Variants in CELF2 observed in about 807,000 individuals in gnomAD.
CELF2 encodes the protein CUG triplet repeat RNA-binding protein 2.
In CELF2, 8 loss-of-function variants were observed where a neutral mutation model predicts 62.6. The ratio of observed to expected loss-of-function variants is 0.13; its 90% CI spans 0.07 to 0.23. The LOEUF (loss-of-function observed/expected upper bound fraction) is 0.23. Ranked by LOEUF, CELF2 falls within the 10% of genes least tolerant of loss-of-function variation. CELF2 has a pLI of 1.00. For missense variants in CELF2, 333 were observed against 671.0 expected, an observed-to-expected ratio of 0.50 and a Z score of 5.56; for synonymous variants, 258 against 250.0, an observed-to-expected ratio of 1.03 and a Z score of -0.30.
At chr10:11,073,024 A>G (rs1564620346) in intron 1 of CELF2, among the ~76,000 whole-genome samples, 5 of 152,102 alleles carry the variant, frequency 3.3e-5, no homozygotes, top group African/African-American at 1.2e-4. Flanking sequence ...ATTGTACAAC[A>G]TACTACTAAT....
the CELF2 span, among the ~76,000 whole-genome samples, chr10:10,665,292 A>G: frequency 2.0e-5 from 3 of 152,242 alleles, no homozygotes; most frequent in Non-Finnish European, 4.4e-5. Context: ...TTGTGGAAGT[A>G]GTGAAATTGT....
intron 2 of CELF2, among the ~76,000 whole-genome samples, chr10:10,967,210 T>A (rs1323648698): frequency 6.6e-6 from 1 of 152,060 alleles, no homozygotes; most frequent in Non-Finnish European, 1.5e-5. Flanking sequence ...AGCTGGGCAT[T>A]TGCTTTATTT....
upstream of CELF2, among the ~76,000 whole-genome samples, chr10:11,003,615 G>A (rs1788060281): frequency 6.6e-6 from 1 of 152,126 alleles, no homozygotes; most frequent in South Asian, 2.1e-4. This position sits in a 1 kb window ranked among gnomAD's most constrained non-coding sequence, Gnocchi z 4.4. Flanking sequence ...AGTAAAGAGA[G>A]CCACAGAGAG....
Position 11,280,989 on chromosome 10 carries a change from CGTGTGT to C in CELF2, c.841+5896_841+5901del, listed in dbSNP as rs60798946. Among the ~76,000 whole-genome samples, 56 of 144,514 alleles carry C rather than the reference CGTGTGT, an allele frequency of 3.9e-4. No homozygotes were observed. Among genetic ancestry groups the C allele is most frequent in the African/African-American group, 8.5e-4 (33 of 38,956 alleles). 94.8% of individuals were successfully genotyped at this position (144,514 alleles called of 152,430 possible). A position where few individuals can be genotyped will look rare whatever the true frequency, so the allele number is the denominator to read the frequency against. On this transcript the variant is annotated intron_variant, in intron 8 of 12. Coordinates refer to ENST00000633077, the MANE Select transcript of CELF2 (RefSeq NM_001326342.2). The surrounding 1 kb of genome is among the most constrained non-coding windows in gnomAD (Gnocchi z 7.6). ...TGGCGTGCGTGTGCATGCCTGTGTG[CGTGTGT>C]GTGTGTGTGTGTGTGTGTGTGTGTG... is the stretch of plus-strand genomic sequence containing the variant.
intron 1 of CELF2, among the ~76,000 whole-genome samples, chr10:11,161,578 C>T (rs2065742834): frequency 6.6e-6 from 1 of 152,190 alleles, no homozygotes; most frequent in Non-Finnish European, 1.5e-5. Context: ...GATAATGATT[C>T]CAGCGGGAGC....
chr10:11,050,599 T>G (rs111875333), intron 1 of CELF2, among the ~76,000 whole-genome samples: 4,954 of 152,274 alleles, frequency 0.033, 94 homozygotes, highest in Non-Finnish European at 0.053. Flanking sequence ...CTCTTTAATA[T>G]TGGGTTGAGC....
the CELF2 span, among the ~76,000 whole-genome samples, chr10:10,647,822 A>T: frequency 6.6e-6 from 1 of 152,190 alleles, no homozygotes; most frequent in African/African-American, 2.4e-5. Flanking sequence ...CTATTCCAAA[A>T]AGATTCCATG....
intron 1 of CELF2, among the ~76,000 whole-genome samples, chr10:11,062,385 A>G (rs986176085): frequency 2.0e-5 from 3 of 152,384 alleles, no homozygotes; most frequent in Admixed American, 2.0e-4. Context: ...GGATCTGTGC[A>G]AAGTAAATTG....
At chr10:10,504,812 G>A in the CELF2 span, among the ~76,000 whole-genome samples, 2 of 151,338 alleles carry the variant, frequency 1.3e-5, no homozygotes, top group African/African-American at 4.9e-5. Context: ...CCTTCATTCT[G>A]CTGTTGAATG....
chr10:10,484,905 A>G, the CELF2 span, among the ~76,000 whole-genome samples: 3 of 152,140 alleles, frequency 2.0e-5, no homozygotes, highest in South Asian at 2.1e-4. Flanking sequence ...GAAGAAGAGG[A>G]TATTTTCCAA....
chr10:10,566,580 C>T, the CELF2 span, among the ~76,000 whole-genome samples: 1 of 140,726 alleles, frequency 7.1e-6, no homozygotes, highest in African/African-American at 2.7e-5. Flanking sequence ...CCCCCGACCC[C>T]ACCACAGTCC....
intron 1 of CELF2, among the ~76,000 whole-genome samples, chr10:11,148,528 G>A (rs2062695373): frequency 6.6e-6 from 1 of 152,188 alleles, no homozygotes; most frequent in African/African-American, 2.4e-5. Context: ...GTCAAGGGCA[G>A]TTTGACACTC....
At chr10:10,879,963 G>A (rs1041564280) in intron 1 of CELF2, among the ~76,000 whole-genome samples, 25 of 152,042 alleles carry the variant, frequency 1.6e-4, no homozygotes, top group African/African-American at 5.3e-4. Context: ...TCTGACACAG[G>A]GTGAACTCAA....
Position 11,098,827 on chromosome 10 carries a change from G to A in CELF2, c.75-66659G>A, listed in dbSNP as rs576097843. Among the ~76,000 whole-genome samples the A allele has an allele frequency of 6.6e-6, 1 of 152,280 alleles. No individual in the cohort carries two copies. Among genetic ancestry groups the A allele is most frequent in the African/African-American group, 2.4e-5 (1 of 41,558 alleles). The stretch of plus-strand genomic sequence containing the variant: ...ACCGAGGCTTCTTGGCTCTGCACCG[G>A]GTGATAATTCTACCTGGGCAGCAGG... On this transcript the variant is annotated intron_variant, in intron 1 of 12. Coordinates refer to ENST00000633077, the MANE Select transcript of CELF2 (RefSeq NM_001326342.2). The surrounding 1 kb of genome is among the most constrained non-coding windows in gnomAD (Gnocchi z 4.0).
chr10:11,298,942 G>C (rs1029570509), intron 9 of CELF2, among the ~76,000 whole-genome samples: 2 of 152,170 alleles, frequency 1.3e-5, no homozygotes. Flanking sequence ...ATTTTTCTCT[G>C]AATCTCTTGC....
the CELF2 span, among the ~76,000 whole-genome samples, chr10:10,532,448 C>A: frequency 6.6e-6 from 1 of 152,140 alleles, no homozygotes; most frequent in Non-Finnish European, 1.5e-5. Flanking sequence ...AAGCTGTTAC[C>A]AAAGCAGCAC....
chr10:11,069,168 C>G (rs1047900411), intron 1 of CELF2, among the ~76,000 whole-genome samples: 1 of 152,076 alleles, frequency 6.6e-6, no homozygotes, highest in African/African-American at 2.4e-5. Flanking sequence ...TTTTTTGTAT[C>G]TTTCAAGCAG....
intron 1 of CELF2, among the ~76,000 whole-genome samples, chr10:11,025,204 T>C (rs1331041706): frequency 7.9e-6 from 1 of 127,194 alleles, no homozygotes; most frequent in Admixed American, 9.2e-5. Context: ...GGTATATACA[T>C]ATATGTGTGT....
chr10:10,951,543 G>A (rs2135736339), intron 2 of CELF2, among the ~76,000 whole-genome samples: 2 of 152,316 alleles, frequency 1.3e-5, no homozygotes, highest in Middle Eastern at 3.4e-3. Flanking sequence ...AAGGGTGATT[G>A]AGTGGCTGAG....
Sources: allele counts gnomAD v4.1 joint callset (sites outside exome capture counted in the v4.1 genomes callset), GRCh38; gene constraint gnomAD v4.1.1; non-coding constraint Gnocchi (gnomAD v3.1); transcripts MANE v1.5; gene names NCBI Gene and HGNC (gene_info 2026-07-23, HGNC 2026-07-21).